PANK2: variants seen among roughly 807,000 people sequenced by gnomAD.
PANK2 encodes pantothenate kinase 2, also known as pantothenate kinase 2, mitochondrial.
A neutral mutation model predicts 43.1 loss-of-function variants in PANK2; 36 were observed. The ratio of observed to expected loss-of-function variants is 0.84; its 90% CI spans 0.64 to 1.10. The LOEUF (loss-of-function observed/expected upper bound fraction) is 1.10. PANK2 is among the 50% of genes least tolerant of loss of function. The pLI, the probability that PANK2 is intolerant of heterozygous loss-of-function variation, is 0.00. For synonymous variants in PANK2, 281 were observed against 238.2 expected (o/e 1.18, Z -1.66); for missense variants, 576 against 593.3 (o/e 0.97, Z 0.30).
At chr20:3,902,432 C>T (rs963040254) in intron 1 of PANK2, among the ~76,000 whole-genome samples, 2 of 151,894 alleles carry the variant, frequency 1.3e-5, no homozygotes, top group African/African-American at 4.8e-5. Flanking sequence ...CAGGTTCAAG[C>T]GATTTCCAGC....
intron 1 of PANK2, among the ~76,000 whole-genome samples, chr20:3,904,908 A>G (rs746714758): frequency 3.3e-5 from 5 of 152,134 alleles, no homozygotes; most frequent in Non-Finnish European, 4.4e-5. Flanking sequence ...CTGCCAGTGG[A>G]TTCAGTGTCT....
upstream of PANK2, chr20:3,888,923 C>T (rs1002519378): frequency 3.5e-6 from 2 of 579,584 alleles, no homozygotes; most frequent in Admixed American, 6.0e-5. Context: ...CGGTTCAAGC[C>T]CTTTCGTCTG....
At chr20:3,898,458 C>G (rs561203049) in intron 1 of PANK2, among the ~76,000 whole-genome samples, 1 of 152,126 alleles carries the variant, frequency 6.6e-6, no homozygotes, top group Non-Finnish European at 1.5e-5. Context: ...CCTCGGCCTC[C>G]CAAAATGCTG....
chr20:3,898,727 T>G (rs1273148111), intron 1 of PANK2, among the ~76,000 whole-genome samples: 1 of 152,138 alleles, frequency 6.6e-6, no homozygotes, highest in Non-Finnish European at 1.5e-5. Context: ...TTTTGAAGTT[T>G]TGCAGTAAGT....
At chr20:3,908,578 A>C in intron 2 of PANK2, 11 of 346,364 alleles carry the variant, frequency 3.2e-5, no homozygotes, top group Non-Finnish European at 4.8e-5. Flanking sequence ...TCATTAGATC[A>C]TGAACAATGA....
intron 6 of PANK2, among the ~76,000 whole-genome samples, chr20:3,920,566 G>A (rs1203002384): frequency 6.6e-6 from 1 of 151,122 alleles, no homozygotes; most frequent in African/African-American, 2.4e-5. Flanking sequence ...CACCAAACAG[G>A]CCAGGTGCAG....
chr20:3,913,526 T>C (rs1034128780), intron 4 of PANK2, among the ~76,000 whole-genome samples: 4 of 151,910 alleles, frequency 2.6e-5, no homozygotes, highest in African/African-American at 9.7e-5. Context: ...TATTTTTTAG[T>C]AGGGAAAGGA....
rs752528898 is a variant in PANK2, at chr20:3,907,933, A to G, written c.306A>G (p.Pro102=). The G allele has an allele frequency of 3.1e-6, 5 of 1,614,042 alleles. No individual in the cohort carries two copies. The highest frequency in any genetic ancestry group is 3.4e-6 in the Non-Finnish European group (4 of 1,179,984). The stretch of plus-strand genomic sequence containing the variant: ...TTTTTCTTCCCCATTTAGTTTTTCC[A>G]TGGTTTGGACTGGATATCGGTGGAA... The change falls in exon 2 of 7, where the codon CCA becomes CCG. Residue 102 remains proline, a synonymous_variant. Coordinates refer to ENST00000610179, the MANE Select transcript of PANK2 (RefSeq NM_001386393.1).
At chr20:3,907,010 T>A (rs935747709) in intron 1 of PANK2, among the ~76,000 whole-genome samples, 1 of 152,068 alleles carries the variant, frequency 6.6e-6, no homozygotes, top group African/African-American at 2.4e-5. Context: ...TTGGCCAGGA[T>A]GATCTTGGTC....
At position 3,907,996 on chromosome 20, in the gene PANK2, C is replaced by A. The variant is rs150594400; in HGVS notation, c.369C>A (p.Ile123=). The A allele has an allele frequency of 6.8e-5, 110 of 1,614,122 alleles. 1 individual carries two copies. The African/African-American group carries it at 1.3e-3, about 20-fold the overall frequency. The change falls in exon 2 of 7, where the codon ATC becomes ATA. Residue 123 remains isoleucine, a synonymous_variant. Transcript: ENST00000610179. Reference sequence around the variant, plus strand: ...TGGTATATTTTGAACCCAAAGACATCACTGCTGAAGAAGAAGAGGAAGAAG... The same window carrying A: ...TGGTATATTTTGAACCCAAAGACATAACTGCTGAAGAAGAAGAGGAAGAAG...
chr20:3,901,046 A>G (rs2090292579), intron 1 of PANK2, among the ~76,000 whole-genome samples: 1 of 151,692 alleles, frequency 6.6e-6, no homozygotes, highest in African/African-American at 2.4e-5. Context: ...CTGGGATTAC[A>G]GGCTTTATTA....
chr20:3,908,366 C>G, intron 2 of PANK2, 88 bp downstream of exon 2: 3 of 1,218,834 alleles, frequency 2.5e-6, no homozygotes, highest in African/African-American at 1.5e-5. Flanking sequence ...ATTTCCATCT[C>G]TAATGGAACT....
rs867425611 is a variant in PANK2 at position 3,901,535 on chromosome 20, C to T, written c.299-6391C>T. ...TTAATCAGAATCTATCTTTTCTTCCCTTTTCCAACAAGACAGAACTGCTGC... is the reference window on the plus strand; with the variant it reads ...TTAATCAGAATCTATCTTTTCTTCCTTTTTCCAACAAGACAGAACTGCTGC... On this transcript the variant is annotated intron_variant, in intron 1 of 6. Transcript: ENST00000610179. 2.2e-4 allele frequency: 189 copies of T among 846,834 alleles called. 2 individuals are homozygous for T. The African/African-American group carries it at 3.3e-3, about 15-fold the overall frequency. The allele number at this position is 846,834 out of a possible 1,614,324, so 52.5% of individuals were successfully genotyped here. A position where few individuals can be genotyped will look rare whatever the true frequency, so the allele number is the denominator to read the frequency against.
chr20:3,917,857 A>C (rs772373940), intron 5 of PANK2, among the ~76,000 whole-genome samples: 1 of 152,064 alleles, frequency 6.6e-6, no homozygotes, highest in Non-Finnish European at 1.5e-5. Flanking sequence ...GTGCTTACGT[A>C]TTTTCAGAAA....
chr20:3,889,910 C>A (rs1234301358), intron 1 of PANK2, 182 bp downstream of exon 1: 3 of 1,532,054 alleles, frequency 2.0e-6, no homozygotes. Context: ...GCGGTACCTT[C>A]GGGGGCCCCC....
At chr20:3,910,527 G>A (rs2090452157) in intron 2 of PANK2, 50 bp from the exon 3 acceptor site, 1 of 1,608,932 alleles carries the variant, frequency 6.2e-7, no homozygotes, top group African/African-American at 1.3e-5. Context: ...TGGAATTTTT[G>A]TTTCTGTTGG....
At chr20:3,899,485 T>TTC (rs954786723) in intron 1 of PANK2, among the ~76,000 whole-genome samples, 5 of 151,378 alleles carry the variant, frequency 3.3e-5, no homozygotes, top group African/African-American at 1.2e-4. Flanking sequence ...TTTTTTTTTT[T>TTC]CCCCAGAGTT....
chr20:3,894,886 T>G (rs1048482024), intron 1 of PANK2, among the ~76,000 whole-genome samples: 7 of 152,170 alleles, frequency 4.6e-5, no homozygotes, highest in African/African-American at 1.7e-4. Flanking sequence ...TTAGGGGCCA[T>G]GTGTAAGAAT....
chr20:3,929,015 A>G lies in PANK2; in HGVS notation c.*5721A>G, dbSNP rs1204789400. ...AGGCATGCGTCACCACACCCGGCAA[A>G]TTTTTGTATTTTTAGTAGAGGGGGT... On this transcript the variant is annotated 3_prime_UTR_variant, in exon 7 of 7. Coordinates refer to ENST00000610179, the MANE Select transcript of PANK2 (RefSeq NM_001386393.1). The G allele has an allele frequency of 2.6e-5, 4 of 151,746 alleles. No homozygotes were observed. In the East Asian group the frequency reaches 7.8e-4, roughly 30 times the overall value. 9.4% of individuals were successfully genotyped at this position (151,746 alleles called of 1,614,324 possible).
Sources: allele counts gnomAD v4.1 joint callset (sites outside exome capture counted in the v4.1 genomes callset), GRCh38; gene constraint gnomAD v4.1.1; transcripts MANE v1.5; gene names NCBI Gene and HGNC (gene_info 2026-07-23, HGNC 2026-07-21).